The following AIMP1 variants were observed in gnomAD, a reference collection of about 807,000 sequenced individuals.
The protein encoded by AIMP1 is aminoacyl tRNA synthetase complex interacting multifunctional protein 1.
AIMP1 carries 24 observed loss-of-function variants against 33.1 expected under a neutral mutation model. The ratio of observed to expected loss-of-function variants is 0.73; its 90% CI spans 0.53 to 1.02. The LOEUF (loss-of-function observed/expected upper bound fraction) is 1.02, where lower values mean the gene tolerates loss of function less well. AIMP1 is among the 50% of genes least tolerant of loss of function. The pLI, the probability that AIMP1 is intolerant of heterozygous loss-of-function variation, is 0.00. For synonymous variants in AIMP1, 120 were observed against 121.5 expected (o/e 0.99, Z 0.08); for missense variants, 367 against 364.8 (o/e 1.01, Z -0.05).
intron 4 of AIMP1, 21 bp from the exon 5 acceptor site, chr4:106,331,651 C>T: frequency 6.2e-7 from 1 of 1,600,306 alleles, no homozygotes; most frequent in East Asian, 2.2e-5. Flanking sequence ...TGATGTTTAC[C>T]CATTCATAAA....
At chr4:106,336,750 G>T (rs1769900093) in intron 5 of AIMP1, 119 bp from the exon 6 acceptor site, 1 of 991,472 alleles carries the variant, frequency 1.0e-6, no homozygotes, top group African/African-American at 1.6e-5. Flanking sequence ...AAAGACAAAG[G>T]TACATCCACA....
chr4:106,324,041 A>G (rs1579629796), intron 1 of AIMP1, among the ~76,000 whole-genome samples: 2 of 152,148 alleles, frequency 1.3e-5, no homozygotes, highest in South Asian at 2.1e-4. Context: ...GCTTTTCAGA[A>G]TATTTTTTAT....
At chr4:106,327,973 A>G (rs1286325179) in intron 3 of AIMP1, 103 bp from the exon 4 acceptor site, 2 of 1,514,740 alleles carry the variant, frequency 1.3e-6, no homozygotes, top group Admixed American at 1.9e-5. Context: ...TATACAGTGA[A>G]TTTTTCATTT....
chr4:106,346,010 T>C (rs1489480199), intron 6 of AIMP1, among the ~76,000 whole-genome samples: 1 of 151,576 alleles, frequency 6.6e-6, no homozygotes, highest in Non-Finnish European at 1.5e-5. Flanking sequence ...TATATTTCTA[T>C]CATTACTTAA....
At chr4:106,328,862 G>C (rs1769556926) in intron 4 of AIMP1, among the ~76,000 whole-genome samples, 1 of 152,014 alleles carries the variant, frequency 6.6e-6, no homozygotes. Flanking sequence ...CTCAGTTCAG[G>C]TTTTCAACGA....
chr4:106,328,091 T>C lies in AIMP1; in HGVS notation c.239T>C (p.Phe80Ser), dbSNP rs1046818920. 7 of 1,612,660 alleles carry C rather than the reference T, an allele frequency of 4.3e-6. No homozygotes were observed. In the African/African-American group the frequency reaches 5.3e-5, roughly 12 times the overall value. ...EIQNGVKQIP[F>S]PSGTPLHANS... ...TCTGTCTCAGTGAAGCAAATACCAT[T>C]TCCATCTGGTACTCCACTGCACGCT... The change falls in exon 4 of 7, where the codon TTT becomes TCT. Residue 80 changes from phenylalanine (F) to serine (S), a missense_variant. Physicochemically the swap from Phe to Ser is radical, Grantham distance 155. Coordinates refer to ENST00000672341, the MANE Select transcript of AIMP1 (RefSeq NM_001142416.2).
At chr4:106,335,964 A>C (rs1452326995) in intron 5 of AIMP1, among the ~76,000 whole-genome samples, 1 of 151,652 alleles carries the variant, frequency 6.6e-6, no homozygotes, top group African/African-American at 2.4e-5. Flanking sequence ...TGCTTCCATA[A>C]AAAATTTGTA....
At chr4:106,340,956 C>T (rs1345404802) in intron 6 of AIMP1, among the ~76,000 whole-genome samples, 3 of 152,092 alleles carry the variant, frequency 2.0e-5, no homozygotes, top group Non-Finnish European at 4.4e-5. Flanking sequence ...TAGTAATAGC[C>T]ACTGTGACTG....
At chr4:106,329,007 T>G (rs1769560561) in intron 4 of AIMP1, among the ~76,000 whole-genome samples, 1 of 152,082 alleles carries the variant, frequency 6.6e-6, no homozygotes, top group Non-Finnish European at 1.5e-5. Flanking sequence ...TTATAAATAA[T>G]TATGAATATT....
chr4:106,320,666 A>C (rs1423321377), intron 1 of AIMP1, among the ~76,000 whole-genome samples: 1 of 152,208 alleles, frequency 6.6e-6, no homozygotes, highest in Non-Finnish European at 1.5e-5. Flanking sequence ...GATTAAAAAA[A>C]AAAGGAGCCC....
chr4:106,333,617 G>A (rs1345250568), intron 5 of AIMP1, among the ~76,000 whole-genome samples: 2 of 152,140 alleles, frequency 1.3e-5, no homozygotes, highest in African/African-American at 4.8e-5. Flanking sequence ...CAGGGACTGT[G>A]CTTTGTGTAG....
intron 6 of AIMP1, among the ~76,000 whole-genome samples, 159 bp from the exon 7 acceptor site, chr4:106,347,367 C>T (rs923637819): frequency 6.6e-6 from 1 of 152,036 alleles, no homozygotes; most frequent in East Asian, 1.9e-4. Flanking sequence ...ATATAAACTG[C>T]TGACATAATA....
At chr4:106,343,867 C>T (rs575338704) in intron 6 of AIMP1, among the ~76,000 whole-genome samples, 31 of 152,074 alleles carry the variant, frequency 2.0e-4, no homozygotes, top group Admixed American at 7.2e-4. Context: ...GATATCGAGT[C>T]GTATTAATAG....
At position 106,331,272 on chromosome 4, in the gene AIMP1, G is replaced by A. The variant is rs149586956; in HGVS notation, c.392-400G>A. ...CTCTATTATCCTGTTTCGGGGAAAG[G>A]CAAACTTTTTCTGCCTAAAGCCTTT... is the stretch of plus-strand genomic sequence containing the variant. On this transcript the variant is annotated intron_variant, in intron 4 of 6. Transcript: ENST00000672341. Among the ~76,000 whole-genome samples, 11 of 152,226 alleles carry A rather than the reference G, an allele frequency of 7.2e-5. No homozygotes were observed. In the East Asian group the frequency reaches 1.9e-3, roughly 27 times the overall value.
At chr4:106,329,206 C>CACT (rs1487309398) in intron 4 of AIMP1, among the ~76,000 whole-genome samples, 1 of 152,150 alleles carries the variant, frequency 6.6e-6, no homozygotes, top group African/African-American at 2.4e-5. Context: ...ACAACTTCAC[C>CACT]ACTAGGTGGT....
chr4:106,329,536 A>G (rs919856500), intron 4 of AIMP1, among the ~76,000 whole-genome samples: 9 of 152,200 alleles, frequency 5.9e-5, no homozygotes, highest in Admixed American at 2.0e-4. Flanking sequence ...ATGGTAGTCA[A>G]TGGCCACATG....
At chr4:106,325,177 G>GA (rs765212761) in intron 2 of AIMP1, 59 bp downstream of exon 2, 61 of 1,429,562 alleles carry the variant, frequency 4.3e-5, no homozygotes, top group Non-Finnish European at 5.8e-5. Context: ...CATTGATGGA[G>GA]AAAAAATAAT....
chr4:106,327,640 T>G, intron 3 of AIMP1, 76 bp downstream of exon 3: 1 of 1,066,640 alleles, frequency 9.4e-7, no homozygotes, highest in Non-Finnish European at 1.4e-6. Context: ...AGGAAAGAAG[T>G]AAGAATCTGT....
intron 4 of AIMP1, among the ~76,000 whole-genome samples, chr4:106,329,240 GACTAACTCTTCTA>G (rs1246130215): frequency 6.6e-6 from 1 of 152,160 alleles, no homozygotes; most frequent in Non-Finnish European, 1.5e-5. Context: ...AAGCAAGTCA[GACTAACTCTTCTA>G]GTTTATAAAG....
Sources: allele counts gnomAD v4.1 joint callset (sites outside exome capture counted in the v4.1 genomes callset), GRCh38; gene constraint gnomAD v4.1.1; transcripts MANE v1.5; gene names NCBI Gene and HGNC (gene_info 2026-07-23, HGNC 2026-07-21).